The following APP variants were observed in gnomAD, a reference collection of about 807,000 sequenced individuals.
The protein encoded by APP is amyloid beta precursor protein.
APP carries 31 observed loss-of-function variants against 101.4 expected under a neutral mutation model. The observed-to-expected ratio is 0.31, with a 90% CI of 0.23 to 0.41. APP has a LOEUF of 0.41. Among genes scored for constraint, APP ranks in the 10% least tolerant of loss-of-function variants. The probability of loss-of-function intolerance (pLI) is 1.00; values close to 1 mark genes in which losing one functional copy is unlikely to be tolerated. For synonymous variants in APP, 366 were observed against 364.4 expected, an observed-to-expected ratio of 1.00 and a Z score of -0.05; for missense variants, 839 against 1,003.7, an observed-to-expected ratio of 0.84 and a Z score of 2.22.
In APP at chr21:26,170,742, T is replaced by C; in HGVS notation, c.-122A>G. Reference sequence around the variant, plus strand: ...CCCCCGCGCACGCTCCTCCGCGTGCTCTCGCCTACCGCTGCCGAGGAAACT... The same window carrying C: ...CCCCCGCGCACGCTCCTCCGCGTGCCCTCGCCTACCGCTGCCGAGGAAACT... On this transcript the variant is annotated 5_prime_UTR_variant, in exon 1 of 18. Coordinates refer to ENST00000346798, the MANE Select transcript of APP (RefSeq NM_000484.4). 6.6e-6 allele frequency: 7 copies of C among 1,054,514 alleles called. No individual in the cohort carries two copies. The highest frequency in any genetic ancestry group is 3.1e-4 in the Middle Eastern group (1 of 3,200). The allele number at this position is 1,054,514 out of a possible 1,614,324, so 65.3% of individuals were successfully genotyped here.
At chr21:26,141,366 T>C (rs2063042230) in intron 1 of APP, among the ~76,000 whole-genome samples, 1 of 152,204 alleles carries the variant, frequency 6.6e-6, no homozygotes, top group African/African-American at 2.4e-5. Context: ...CACAGTCTTA[T>C]TATGACAGAA....
intron 1 of APP, among the ~76,000 whole-genome samples, chr21:26,147,386 T>C (rs2063175352): frequency 6.6e-6 from 1 of 152,194 alleles, no homozygotes; most frequent in Non-Finnish European, 1.5e-5. Context: ...TTAGCTACTG[T>C]GGAAGGTCAA....
At chr21:25,913,478 T>C (rs1048418091) in intron 13 of APP, among the ~76,000 whole-genome samples, 5 of 152,252 alleles carry the variant, frequency 3.3e-5, no homozygotes, top group African/African-American at 1.2e-4. Flanking sequence ...GCTAATAACT[T>C]AGCCAATGTC....
intron 1 of APP, among the ~76,000 whole-genome samples, chr21:26,156,034 T>A (rs897694671): frequency 1.4e-4 from 21 of 151,998 alleles, no homozygotes; most frequent in Admixed American, 3.9e-4. Context: ...TACCACTTCA[T>A]TTATGCTATG....
intron 3 of APP, among the ~76,000 whole-genome samples, chr21:26,070,239 ATCTC>A (rs971922988): frequency 2.0e-5 from 3 of 152,176 alleles, no homozygotes; most frequent in Admixed American, 6.5e-5. Context: ...ATAAATCAGA[ATCTC>A]TCTCTCTGTT....
At chr21:26,019,596 T>C (rs576353360) in intron 6 of APP, among the ~76,000 whole-genome samples, 41 of 152,354 alleles carry the variant, frequency 2.7e-4, no homozygotes, top group Admixed American at 7.8e-4. Context: ...GTGCTCATCA[T>C]CCATTCCACA....
intron 15 of APP, among the ~76,000 whole-genome samples, chr21:25,903,670 G>A (rs544873730): frequency 6.6e-6 from 1 of 152,284 alleles, no homozygotes; most frequent in South Asian, 2.1e-4. Context: ...GGCCTTACAA[G>A]TTGGCTGAGC....
chr21:26,130,856 G>C (rs2062779382), intron 1 of APP, among the ~76,000 whole-genome samples: 1 of 152,026 alleles, frequency 6.6e-6, no homozygotes, highest in African/African-American at 2.4e-5. Context: ...AAAAAATTCT[G>C]CTTCAAAAGC....
chr21:26,143,326 G>C (rs1295075499), intron 1 of APP, among the ~76,000 whole-genome samples: 1 of 152,144 alleles, frequency 6.6e-6, no homozygotes, highest in Non-Finnish European at 1.5e-5. Flanking sequence ...TAATGATGAT[G>C]AAGTTTTGAT....
At chr21:26,015,664 A>G (rs915371995) in intron 6 of APP, among the ~76,000 whole-genome samples, 3 of 152,110 alleles carry the variant, frequency 2.0e-5, no homozygotes, top group African/African-American at 7.2e-5. Flanking sequence ...ATTCTCTCAA[A>G]CACTATACTA....
intron 6 of APP, among the ~76,000 whole-genome samples, chr21:26,009,223 T>C (rs1042659310): frequency 6.6e-6 from 1 of 152,176 alleles, no homozygotes; most frequent in African/African-American, 2.4e-5. Context: ...ACACATATAT[T>C]TGGGAAAAGA....
chr21:25,959,366 G>A (rs2146508746), intron 11 of APP, among the ~76,000 whole-genome samples: 1 of 152,360 alleles, frequency 6.6e-6, no homozygotes, highest in African/African-American at 2.4e-5. Flanking sequence ...CTGGGAGGCG[G>A]AGCTTGCAGT....
intron 1 of APP, among the ~76,000 whole-genome samples, chr21:26,118,511 C>G (rs938059691): frequency 6.6e-6 from 1 of 151,956 alleles, no homozygotes; most frequent in African/African-American, 2.4e-5. Flanking sequence ...GTAAAAAGTT[C>G]ATCTCTTTCA....
chr21:25,925,349 C>G (rs1254777400), intron 13 of APP, among the ~76,000 whole-genome samples: 2 of 152,214 alleles, frequency 1.3e-5, no homozygotes, highest in Non-Finnish European at 2.9e-5. Flanking sequence ...TCGGGTTCGT[C>G]ATCCGCAAAA....
Position 26,051,095 on chromosome 21 carries a change from C to G in APP, c.567G>C (p.Leu189=), listed in dbSNP as rs767631864. Residue 189 remains leucine (L), a synonymous_variant, in exon 5 of 18, where the codon CTG becomes CTC. Coordinates refer to ENST00000346798, the MANE Select transcript of APP (RefSeq NM_000484.4). ...FRGVEFVCCP[L]AEESDNVDSA... ...AATCCACATTGTCACTTTCTTCAGC[C>G]AGTGGGCAACACACAAACTCTACCC... 6.2e-7 allele frequency: 1 copy of G among 1,614,172 alleles called. No homozygotes were observed. The highest frequency in any genetic ancestry group is 1.1e-5 in the South Asian group (1 of 91,086).
chr21:26,030,621 A>G (rs995035420), intron 5 of APP, among the ~76,000 whole-genome samples: 2 of 152,260 alleles, frequency 1.3e-5, no homozygotes, highest in Admixed American at 6.5e-5. Context: ...AAGAAAAGTC[A>G]TATATTATCA....
At chr21:26,151,161 T>G (rs1382830806) in intron 1 of APP, among the ~76,000 whole-genome samples, 1 of 152,190 alleles carries the variant, frequency 6.6e-6, no homozygotes, top group Non-Finnish European at 1.5e-5. Context: ...AGAATTAATG[T>G]TTTTGACTTG....
chr21:25,949,085 A>G (rs2040954010), intron 13 of APP, among the ~76,000 whole-genome samples: 1 of 152,248 alleles, frequency 6.6e-6, no homozygotes, highest in Non-Finnish European at 1.5e-5. Flanking sequence ...TCTGCCTGAA[A>G]ATAACTTTTT....
At chr21:25,998,299 G>T (rs561850152) in intron 7 of APP, among the ~76,000 whole-genome samples, 18 of 150,866 alleles carry the variant, frequency 1.2e-4, no homozygotes, top group Admixed American at 3.3e-4. Flanking sequence ...TCTCCATTGT[G>T]TTCGCAATAC....
Sources: allele counts gnomAD v4.1 joint callset (sites outside exome capture counted in the v4.1 genomes callset), GRCh38; gene constraint gnomAD v4.1.1; transcripts MANE v1.5; gene names NCBI Gene and HGNC (gene_info 2026-07-23, HGNC 2026-07-21).